The following HOXC4 variants were observed in gnomAD, a reference collection of about 807,000 sequenced individuals.
The protein encoded by HOXC4 is homeobox protein Hox-C4.
HOXC4 carries 15 observed loss-of-function variants against 25.5 expected under a neutral mutation model. That is an observed-to-expected ratio of 0.59 (90% confidence interval 0.39 to 0.91). The LOEUF is 0.91. Ranked by LOEUF, HOXC4 falls within the 40% of genes least tolerant of loss-of-function variation. The pLI, the probability that HOXC4 is intolerant of heterozygous loss-of-function variation, is 0.00. For synonymous variants in HOXC4, 165 were observed against 148.0 expected (o/e 1.11, Z -0.83); for missense variants, 342 against 352.4 (o/e 0.97, Z 0.24).
chr12:54,044,184 G>A (rs1290311333), intron 1 of HOXC4, among the ~76,000 whole-genome samples: 4 of 152,066 alleles, frequency 2.6e-5, no homozygotes, highest in African/African-American at 9.7e-5. Flanking sequence ...CTCCCCCAAA[G>A]CTGGCTTGGC....
intron 1 of HOXC4, chr12:54,017,490 C>T (rs889747842): frequency 6.6e-6 from 1 of 151,550 alleles, no homozygotes; most frequent in Non-Finnish European, 1.5e-5. Context: ...GCAGCGGCTT[C>T]TCTTGGTTAG....
chr12:54,028,267 A>ATATATATT (rs3031476), intron 1 of HOXC4: 3 of 75,596 alleles, frequency 4.0e-5, no homozygotes, highest in Non-Finnish European at 8.9e-5. Flanking sequence ...ATATATATAT[A>ATATATATT]TTTTTTAAAA....
At chr12:54,026,313 G>A (rs891086817) in intron 1 of HOXC4, among the ~76,000 whole-genome samples, 19 of 152,142 alleles carry the variant, frequency 1.2e-4, no homozygotes, top group African/African-American at 4.6e-4. Flanking sequence ...CCTCCAGGGG[G>A]CCTGAAGCCT....
chr12:54,045,690 T>C (rs888648398), intron 1 of HOXC4, among the ~76,000 whole-genome samples: 1 of 152,196 alleles, frequency 6.6e-6, no homozygotes, highest in African/African-American at 2.4e-5. Context: ...TTACTGCATC[T>C]CTCTGTCTCC....
chr12:54,033,270 C>A, intron 1 of HOXC4: 1 of 1,614,192 alleles, frequency 6.2e-7, no homozygotes, highest in Non-Finnish European at 8.5e-7. Context: ...CATCACTTTC[C>A]CACCGCCTGC....
At chr12:54,042,759 AAGG>A (rs1197277630) in intron 1 of HOXC4, among the ~76,000 whole-genome samples, 1 of 152,182 alleles carries the variant, frequency 6.6e-6, no homozygotes, top group African/African-American at 2.4e-5. Flanking sequence ...GATTCAATTT[AAGG>A]AGAAGACGAT....
chr12:54,040,368 C>G (rs966990060), intron 1 of HOXC4, among the ~76,000 whole-genome samples: 1 of 152,200 alleles, frequency 6.6e-6, no homozygotes, highest in African/African-American at 2.4e-5. Context: ...CCATCCGGCC[C>G]TGTTCCTTCC....
intron 1 of HOXC4, chr12:54,033,567 A>G (rs774506573): frequency 1.9e-6 from 3 of 1,584,458 alleles, no homozygotes; most frequent in Non-Finnish European, 2.6e-6. Context: ...CAAACTGCAC[A>G]TGAGCCACGG....
chr12:54,036,041 C>G (rs1671711624), intron 1 of HOXC4, among the ~76,000 whole-genome samples: 1 of 152,096 alleles, frequency 6.6e-6, no homozygotes, highest in South Asian at 2.1e-4. Context: ...GCTGCATAGA[C>G]CAGTGCTGGA....
rs759624573 is a variant in HOXC4 at position 54,033,358 on chromosome 12, C to A, written c.-124+15944C>A. 4 of 1,612,614 alleles carry A rather than the reference C, an allele frequency of 2.5e-6. No individual in the cohort carries two copies. The African/African-American group carries it at 4.0e-5, about 16-fold the overall frequency. ...CCCGACCGCCCCGCCTGCAGCGCCG[C>A]GGCCGCTCCGGGACACGCTCCGGGC... On this transcript the variant is annotated intron_variant, in intron 1 of 3. Transcript: ENST00000303406.
intron 1 of HOXC4, chr12:54,034,575 T>C: frequency 8.2e-7 from 1 of 1,221,698 alleles, no homozygotes; most frequent in South Asian, 1.3e-5. Context: ...CTCTCTATAT[T>C]TCGGGTCGGG....
At chr12:54,034,049 AG>A (rs1480678807) in intron 1 of HOXC4, 1 of 701,226 alleles carries the variant, frequency 1.4e-6, no homozygotes, top group Admixed American at 2.0e-5. Context: ...ACCCCCCCTC[AG>A]CCCCTCCGGC....
At chr12:54,034,035 C>A (rs1374192186) in intron 1 of HOXC4, 1 of 693,048 alleles carries the variant, frequency 1.4e-6, no homozygotes, top group Non-Finnish European at 2.7e-6. Flanking sequence ...CCCTCTTCCC[C>A]CCAACCCCCC....
intron 1 of HOXC4, chr12:54,047,963 T>C (rs1812013771): frequency 6.6e-6 from 1 of 152,122 alleles, no homozygotes; most frequent in African/African-American, 2.4e-5. Context: ...CCTTTGGGTT[T>C]GAGGGGATGG....
At chr12:54,026,969 G>GA (rs551975494) in intron 1 of HOXC4, among the ~76,000 whole-genome samples, 1 of 137,760 alleles carries the variant, frequency 7.3e-6, no homozygotes, top group African/African-American at 2.6e-5. Flanking sequence ...AATGGTGGGG[G>GA]GGGGGGGATA....
intron 1 of HOXC4, among the ~76,000 whole-genome samples, chr12:54,043,204 G>A (rs1455285332): frequency 6.6e-6 from 1 of 152,196 alleles, no homozygotes; most frequent in Non-Finnish European, 1.5e-5. Flanking sequence ...CAGGCATGCT[G>A]GGGAGCAAGT....
Position 54,033,195 on chromosome 12 carries a change from G to A in HOXC4, c.-124+15781G>A. On this transcript the variant is annotated intron_variant, in intron 1 of 3. Transcript: ENST00000303406. ...CCCTGCCTATAACATGCAAACTTGT[G>A]GGAACTATGGATCGGCCTCAGAGGT... is the stretch of plus-strand genomic sequence containing the variant. The A allele has an allele frequency of 6.2e-7, 1 of 1,614,156 alleles. No individual in the cohort carries two copies. Among genetic ancestry groups the A allele is most frequent in the Non-Finnish European group, 8.5e-7 (1 of 1,180,030 alleles).
chr12:54,031,815 G>C (rs1390787973), intron 1 of HOXC4, among the ~76,000 whole-genome samples: 2 of 152,158 alleles, frequency 1.3e-5, no homozygotes, highest in Non-Finnish European at 2.9e-5. Context: ...GGATGGGGCC[G>C]AATGGCTGCA....
At chr12:54,033,466 G>C (rs1279668958) in intron 1 of HOXC4, 5 of 1,598,862 alleles carry the variant, frequency 3.1e-6, no homozygotes, top group Non-Finnish European at 4.3e-6. Flanking sequence ...GCTAAGAGCA[G>C]TGGGGAGATC....
Sources: allele counts gnomAD v4.1 joint callset (sites outside exome capture counted in the v4.1 genomes callset), GRCh38; gene constraint gnomAD v4.1.1; transcripts MANE v1.5; gene names NCBI Gene and HGNC (gene_info 2026-07-23, HGNC 2026-07-21).